Variants in FAM83G observed in about 807,000 individuals in gnomAD.
FAM83G encodes the protein scaffolding CK1 anchoring protein G, also known as protein FAM83G.
A neutral mutation model predicts 61.5 loss-of-function variants in FAM83G; 38 were observed. The observed-to-expected ratio is 0.62, with a 90% confidence interval of 0.48 to 0.81. FAM83G has a LOEUF of 0.81. Ranked by LOEUF, FAM83G falls within the 30% of genes least tolerant of loss-of-function variation. FAM83G has a pLI of 0.00. For synonymous variants in FAM83G, 470 were observed against 476.1 expected, an observed-to-expected ratio of 0.99 and a Z score of 0.17; for missense variants, 989 against 1,133.6, an observed-to-expected ratio of 0.87 and a Z score of 1.83.
chr17:18,998,368 C>T (rs1310714194), intron 2 of FAM83G, among the ~76,000 whole-genome samples: 2 of 152,260 alleles, frequency 1.3e-5, no homozygotes, highest in Non-Finnish European at 2.9e-5. Flanking sequence ...GGGACCAGCA[C>T]TCTCTGCTGG....
At chr17:18,976,572 G>T (rs765198039) in intron 5 of FAM83G, 2 of 403,364 alleles carry the variant, frequency 5.0e-6, no homozygotes, top group Non-Finnish European at 8.9e-6. Context: ...ATTGCCAGGG[G>T]TGGTGGGCTG....
chr17:18,995,549 C>T (rs900538007), intron 2 of FAM83G, among the ~76,000 whole-genome samples: 2 of 151,742 alleles, frequency 1.3e-5, no homozygotes, highest in Admixed American at 6.6e-5. Context: ...TGGGAGTGAG[C>T]GAGAGACTAA....
At chr17:18,995,956 AT>A (rs2043560992) in intron 2 of FAM83G, among the ~76,000 whole-genome samples, 1 of 152,022 alleles carries the variant, frequency 6.6e-6, no homozygotes, top group African/African-American at 2.4e-5. Context: ...CAGAAGAGAC[AT>A]GAAAAAACTA....
rs779652084 is a variant in FAM83G at position 18,978,596 on chromosome 17, A to G, written c.1070T>C (p.Val357Ala). The G allele has an allele frequency of 2.5e-6, 4 of 1,612,936 alleles. No homozygotes were observed. Among genetic ancestry groups the G allele is most frequent in the Middle Eastern group, 1.6e-4 (1 of 6,082 alleles). The change falls in exon 5 of 6, where the codon GTC becomes GCC. Residue 357 changes from valine (V) to alanine (A), a missense_variant. Around this residue, in one of 3 missense-constraint regions of FAM83G, gnomAD observed 574 missense variants for 645.1 expected, o/e 0.89. Transcript: ENST00000388995. ...AGAGGAGATCTTGGCAATCTCGTCG[A>G]CGCTCTTGGCCTTGACAAGTGCGTA... ...PKYALVKAKSVDEIAKISSEK... is the reference protein window; with the variant it reads ...PKYALVKAKSADEIAKISSEK...
chr17:18,987,751 T>A (rs574055569), intron 3 of FAM83G, among the ~76,000 whole-genome samples: 1 of 152,320 alleles, frequency 6.6e-6, no homozygotes, highest in Non-Finnish European at 1.5e-5. Context: ...AAGCCTTCCC[T>A]GGCCCCAGCC....
Position 18,969,519 on chromosome 17 carries a change from G to A in FAM83G, c.*1840C>T. 8.3e-7 allele frequency: 1 copy of A among 1,204,532 alleles called. No homozygotes were observed. The highest frequency in any genetic ancestry group is 1.2e-6 in the Non-Finnish European group (1 of 839,658). 74.6% of individuals were successfully genotyped at this position (1,204,532 alleles called of 1,614,324 possible). On this transcript the variant is annotated 3_prime_UTR_variant, in exon 6 of 6. Coordinates refer to ENST00000388995, the MANE Select transcript of FAM83G (RefSeq NM_001039999.3). ...CACTGTGCAGGATTCATGCCGTTGG[G>A]GTTCTGGGTAGCATCGCTGGGAGTG...
intron 5 of FAM83G, 82 bp downstream of exon 5, chr17:18,977,502 G>T: frequency 7.5e-7 from 1 of 1,341,826 alleles, no homozygotes; most frequent in East Asian, 2.3e-5. Context: ...GGACATGGTA[G>T]CCCAGAAGAC....
chr17:18,982,169 C>T (rs1194583327), intron 3 of FAM83G, among the ~76,000 whole-genome samples: 1 of 152,234 alleles, frequency 6.6e-6, no homozygotes, highest in Non-Finnish European at 1.5e-5. Context: ...CGCTGTGACT[C>T]GAAGCAAGTC....
chr17:18,979,977 T>TA (rs562464098), intron 3 of FAM83G, among the ~76,000 whole-genome samples: 185 of 152,252 alleles, frequency 1.2e-3, no homozygotes, highest in Non-Finnish European at 2.3e-3. Flanking sequence ...GGAAAAGGCT[T>TA]ACACAGCCAG....
intron 5 of FAM83G, among the ~76,000 whole-genome samples, chr17:18,973,527 C>T (rs2042906762): frequency 6.6e-6 from 1 of 152,176 alleles, no homozygotes; most frequent in South Asian, 2.1e-4. Context: ...GAAACCCAGG[C>T]ACTAGTCCTA....
At chr17:18,997,578 G>T (rs537630939) in intron 2 of FAM83G, among the ~76,000 whole-genome samples, 10 of 152,232 alleles carry the variant, frequency 6.6e-5, no homozygotes, top group South Asian at 2.1e-4. Flanking sequence ...AGACATTGGG[G>T]CCATCAAGCA....
intron 2 of FAM83G, 40 bp from the exon 3 acceptor site, chr17:18,988,454 C>T (rs756664441): frequency 1.9e-6 from 3 of 1,603,088 alleles, no homozygotes; most frequent in Non-Finnish European, 2.6e-6. Context: ...TCAGACAGTG[C>T]AGCAGTGGGG....
At chr17:18,986,667 G>A (rs895790117) in intron 3 of FAM83G, among the ~76,000 whole-genome samples, 3 of 152,242 alleles carry the variant, frequency 2.0e-5, no homozygotes, top group Non-Finnish European at 2.9e-5. Flanking sequence ...GGTGGAAGGC[G>A]AGGCCTCTGG....
At position 18,968,980 on chromosome 17, in the gene FAM83G, G is replaced by T. The variant is rs556220147; in HGVS notation, c.*2379C>A. On this transcript the variant is annotated 3_prime_UTR_variant, in exon 6 of 6. Coordinates refer to ENST00000388995, the MANE Select transcript of FAM83G (RefSeq NM_001039999.3). This position sits in a 1 kb window ranked among gnomAD's most constrained non-coding sequence, Gnocchi z 4.1. ...CCGAGGCCCAGAGAGGGCCTTGCCC[G>T]AGGTCACCCAGGGAGTGGCTTGCTG... is the stretch of plus-strand genomic sequence containing the variant. 10 of 1,484,904 alleles carry T rather than the reference G, an allele frequency of 6.7e-6. No individual in the cohort carries two copies. Among genetic ancestry groups the T allele is most frequent in the South Asian group, 6.5e-5 (5 of 77,420 alleles). 92.0% of individuals were successfully genotyped at this position (1,484,904 alleles called of 1,614,324 possible). A position where few individuals can be genotyped will look rare whatever the true frequency, so the allele number is the denominator to read the frequency against.
In FAM83G at chr17:19,003,932, G is replaced by A; in HGVS notation, c.110C>T (p.Ala37Val). 6.2e-7 allele frequency: 1 copy of A among 1,612,934 alleles called. No individual in the cohort carries two copies. Among genetic ancestry groups the A allele is most frequent in the South Asian group, 1.1e-5 (1 of 91,080 alleles). ...YSEEQRLALE[A>V]LVARGRDAFY... Reference sequence around the variant, plus strand: ...GGCGTCCCGGCCGCGGGCCACCAGGGCCTCCAGCGCCAGCCGCTGCTCCTC... The same window carrying A: ...GGCGTCCCGGCCGCGGGCCACCAGGACCTCCAGCGCCAGCCGCTGCTCCTC... Residue 37 changes from alanine to valine, a missense_variant, in exon 2 of 6, where the codon GCC becomes GTC. Physicochemically the swap from Ala to Val is moderately conservative, Grantham distance 64. Coordinates refer to ENST00000388995, the MANE Select transcript of FAM83G (RefSeq NM_001039999.3). This position sits in a 1 kb window ranked among gnomAD's most constrained non-coding sequence, Gnocchi z 4.5.
intron 5 of FAM83G, among the ~76,000 whole-genome samples, chr17:18,974,072 T>A (rs2152004783): frequency 6.6e-6 from 1 of 152,224 alleles, no homozygotes; most frequent in African/African-American, 2.4e-5. Context: ...TTTGTATTTT[T>A]AATAGAGACG....
rs750738959 is a variant in FAM83G at position 18,978,441 on chromosome 17, C to G, written c.1225G>C (p.Glu409Gln). ...LLHLERANMF[E>Q]YLPTWVEPDP... ...GGCTCCACCCACGTGGGCAGGTACT[C>G]AAACATGTTGGCCCTCTCCAGGTGA... The change falls in exon 5 of 6, where the codon GAG becomes CAG. Residue 409 changes from glutamate to glutamine, a missense_variant. By Grantham distance (29) the Glu-to-Gln change is conservative (BLOSUM62 2). Around this residue, in one of 3 missense-constraint regions of FAM83G, gnomAD observed 574 missense variants for 645.1 expected, o/e 0.89. Transcript: ENST00000388995. 6 of 1,602,442 alleles carry G rather than the reference C, an allele frequency of 3.7e-6. No individual in the cohort carries two copies. Among genetic ancestry groups the G allele is most frequent in the African/African-American group, 2.7e-5 (2 of 74,724 alleles).
chr17:18,976,324 T>TC (rs1315847888), intron 5 of FAM83G: 1 of 152,736 alleles, frequency 6.5e-6, no homozygotes, highest in Non-Finnish European at 1.5e-5. Context: ...TGCTGAAGGC[T>TC]CCCAGAAGGG....
chr17:19,003,940 C>G lies in FAM83G; in HGVS notation c.102G>C (p.Ala34=), dbSNP rs758283958. ...EFFYSEEQRL[A]LEALVARGRD... ...GGCCGCGGGCCACCAGGGCCTCCAGCGCCAGCCGCTGCTCCTCGCTGTAGA... is the reference window on the plus strand; with the variant it reads ...GGCCGCGGGCCACCAGGGCCTCCAGGGCCAGCCGCTGCTCCTCGCTGTAGA... Residue 34 remains alanine, a synonymous_variant, in exon 2 of 6, where the codon GCG becomes GCC. Transcript: ENST00000388995. The surrounding 1 kb of genome is among the most constrained non-coding windows in gnomAD (Gnocchi z 4.5). 1 of 1,612,906 alleles carries G rather than the reference C, an allele frequency of 6.2e-7. No homozygotes were observed. The highest frequency in any genetic ancestry group is 1.7e-5 in the Admixed American group (1 of 60,016).
Sources: gnomAD v4.1 joint callset for allele counts (sites outside exome capture counted in the v4.1 genomes callset) on GRCh38, gnomAD v4.1.1 for gene constraint, gnomAD v4.1.1 regional missense constraint, Gnocchi (gnomAD v3.1) non-coding constraint, MANE v1.5 for transcripts, NCBI Gene and HGNC (gene_info 2026-07-23, HGNC 2026-07-21) for gene names.